EP400: variants seen among roughly 807,000 people sequenced by gnomAD.
EP400 encodes the protein E1A binding protein p400, also known as E1A-binding protein p400.
A neutral mutation model predicts 354.1 loss-of-function variants in EP400; 105 were observed. The observed-to-expected ratio is 0.30, with a 90% CI of 0.25 to 0.35. The LOEUF (loss-of-function observed/expected upper bound fraction) is 0.35, where lower values mean the gene tolerates loss of function less well. EP400 is among the 10% of genes least tolerant of loss of function. The probability of loss-of-function intolerance (pLI) is 1.00; values close to 1 mark genes in which losing one functional copy is unlikely to be tolerated. For synonymous variants in EP400, 1,646 were observed against 1,716.9 expected (o/e 0.96, Z 1.02); for missense variants, 3,280 against 4,121.0 (o/e 0.80, Z 5.59).
rs373295715 is a variant in EP400, at chr12:131,950,600, C to T, written c.-36+564C>T. Among the ~76,000 whole-genome samples, 149 of 148,048 alleles carry T rather than the reference C, an allele frequency of 1.0e-3. 1 individual carries two copies. The highest frequency in any genetic ancestry group is 3.7e-3 in the African/African-American group (141 of 37,752). On this transcript the variant is annotated intron_variant, in intron 1 of 52. Coordinates refer to ENST00000389561, the MANE Select transcript of EP400 (RefSeq NM_015409.5). ...GTTACAGTGAGGTCCGAATCCGCTCCTTCTCGGCGTAGACCTGCCCGGTCC... is the reference window on the plus strand; with the variant it reads ...GTTACAGTGAGGTCCGAATCCGCTCTTTCTCGGCGTAGACCTGCCCGGTCC...
chr12:132,071,962 G>C (rs1014327050), intron 51 of EP400, among the ~76,000 whole-genome samples: 2 of 152,194 alleles, frequency 1.3e-5, no homozygotes, highest in Admixed American at 1.3e-4. Context: ...TGTTGTAGTG[G>C]GTTATAGTCA....
rs564274508 is a variant in EP400, at chr12:131,976,260, C to T, written c.1336-3434C>T. Among the ~76,000 whole-genome samples the T allele has an allele frequency of 4.4e-4, 67 of 151,940 alleles. 3 individuals carry two copies. The South Asian group carries it at 0.013, about 30-fold the overall frequency. ...TTGAGGTTGGTGTCTGAGTATGGCT[C>T]GTGTTTTTTGTTTGTATTTTGGAGT... is the stretch of plus-strand genomic sequence containing the variant. On this transcript the variant is annotated intron_variant, in intron 2 of 52. Coordinates refer to ENST00000389561, the MANE Select transcript of EP400 (RefSeq NM_015409.5).
At chr12:132,014,445 C>T (rs1008301730) in intron 19 of EP400, among the ~76,000 whole-genome samples, 1 of 152,186 alleles carries the variant, frequency 6.6e-6, no homozygotes, top group East Asian at 1.9e-4. Flanking sequence ...AAGCTGTGCC[C>T]TTTGAGTTGA....
intron 7 of EP400, among the ~76,000 whole-genome samples, chr12:131,988,730 T>C (rs1428226852): frequency 6.6e-6 from 1 of 152,206 alleles, no homozygotes; most frequent in Non-Finnish European, 1.5e-5. Flanking sequence ...TTTCACTGTG[T>C]GAACAGCCGT....
intron 15 of EP400, among the ~76,000 whole-genome samples, chr12:132,007,176 G>T (rs1029551867): frequency 7.2e-5 from 11 of 152,234 alleles, no homozygotes; most frequent in Admixed American, 4.6e-4. Context: ...AGCAGAGCAG[G>T]TGGTCCACTT....
Position 132,064,686 on chromosome 12 carries a change from C to T in EP400, c.8353C>T (p.Gln2785Ter). Residue 2785 changes from glutamine to a stop codon, truncating the protein, a stop_gained, in exon 48 of 53, where the codon CAG becomes TAG. Coordinates refer to ENST00000389561, the MANE Select transcript of EP400 (RefSeq NM_015409.5). LOFTEE classifies it high-confidence loss of function. The part of the protein sequence containing the change: ...KLTPEHLIKM[Q>*]KQKLQMPPQP... ...ATTTTAGGAACACCTCATCAAAATG[C>T]AGAAGCAGAAACTGCAGATGCCCCC... 6.2e-7 allele frequency: 1 copy of T among 1,612,474 alleles called. No homozygotes were observed. The highest frequency in any genetic ancestry group is 8.5e-7 in the Non-Finnish European group (1 of 1,178,844).
At chr12:131,971,649 T>C (rs906988518) in intron 2 of EP400, among the ~76,000 whole-genome samples, 12 of 152,202 alleles carry the variant, frequency 7.9e-5, no homozygotes, top group African/African-American at 2.7e-4. Flanking sequence ...TTTTGGGTAG[T>C]AAGTGTAGAA....
chr12:131,991,503 G>A, intron 10 of EP400, 47 bp downstream of exon 10: 1 of 1,572,614 alleles, frequency 6.4e-7, no homozygotes, highest in Non-Finnish European at 8.8e-7. Context: ...AGTAGAAGCA[G>A]CTCCAGTAGA....
In EP400 at chr12:132,021,101, C is replaced by T; in HGVS notation, c.4470C>T (p.Thr1490=). The T allele has an allele frequency of 6.3e-7, 1 of 1,599,612 alleles. No homozygotes were observed. Among genetic ancestry groups the T allele is most frequent in the African/African-American group, 1.3e-5 (1 of 74,956 alleles). ...CAGCAGCAGCAGCCCCGTTTCAGACCTCTCAGGCTTCCGCCAGTGCTCCAC... is the reference window on the plus strand; with the variant it reads ...CAGCAGCAGCAGCCCCGTTTCAGACTTCTCAGGCTTCCGCCAGTGCTCCAC... ...EAKAAAAPFQ[T]SQASASAPRH... is the part of the protein sequence containing the mutation. Residue 1490 remains threonine (T), a synonymous_variant, in exon 23 of 53, where the codon ACC becomes ACT. Transcript: ENST00000389561.
At position 132,006,159 on chromosome 12, in the gene EP400, C is replaced by T. The variant is rs778495220; in HGVS notation, c.2983C>T (p.Leu995Phe). The change falls in exon 14 of 53, where the codon CTC (leucine) becomes TTC (phenylalanine). Residue 995 changes from leucine (L) to phenylalanine (F), a missense_variant. Leu to Phe is a conservative substitution (Grantham distance 22). This residue lies in a region of EP400 where 800 missense variants were observed against 840.0 expected (regional missense o/e 0.95). Coordinates refer to ENST00000389561, the MANE Select transcript of EP400 (RefSeq NM_015409.5). ...CAGGGAGAGTCGCAAGGACTTGGTT[C>T]TCATCGACTCGCTTTTCATCATGGA... ...GDRESRKDLVLIDSLFIMDQF... is the reference protein window; with the variant it reads ...GDRESRKDLVFIDSLFIMDQF... The T allele has an allele frequency of 6.2e-6, 10 of 1,614,102 alleles. No individual in the cohort carries two copies. Among genetic ancestry groups the T allele is most frequent in the Admixed American group, 5.0e-5 (3 of 60,010 alleles).
intron 2 of EP400, among the ~76,000 whole-genome samples, chr12:131,978,841 A>G (rs900766454): frequency 2.6e-5 from 4 of 152,168 alleles, no homozygotes; most frequent in African/African-American, 9.7e-5. Context: ...AACATTTTAA[A>G]TAACATCTGT....
At chr12:131,985,841 C>G (rs1892836011) in intron 5 of EP400, among the ~76,000 whole-genome samples, 1 of 152,182 alleles carries the variant, frequency 6.6e-6, no homozygotes. Flanking sequence ...CTCCTGACCT[C>G]AGGTGATCCG....
At position 132,027,677 on chromosome 12, in the gene EP400, A is replaced by G; in HGVS notation, c.5109+146A>G. On this transcript the variant is annotated intron_variant, in intron 26 of 52. Coordinates refer to ENST00000389561, the MANE Select transcript of EP400 (RefSeq NM_015409.5). This position sits in a 1 kb window ranked among gnomAD's most constrained non-coding sequence, Gnocchi z 4.9. ...CTTATTTTAAAACACACATTTTCTAATAAAATAAATGAAACTGGACTTACG... is the reference window on the plus strand; with the variant it reads ...CTTATTTTAAAACACACATTTTCTAGTAAAATAAATGAAACTGGACTTACG... 1.4e-6 allele frequency: 1 copy of G among 728,652 alleles called. No homozygotes were observed. Among genetic ancestry groups the G allele is most frequent in the Non-Finnish European group, 2.2e-6 (1 of 454,800 alleles). The allele number at this position is 728,652 out of a possible 1,614,324, so 45.1% of individuals were successfully genotyped here.
chr12:132,077,029 ACAGTGCTTTAAATGTAAAG>A (rs1422128629), intron 52 of EP400, among the ~76,000 whole-genome samples: 1 of 152,258 alleles, frequency 6.6e-6, no homozygotes, highest in Non-Finnish European at 1.5e-5. Context: ...ACTCTTTAGC[ACAGTGCTTTAAATGTAAAG>A]CGGTGCTTTA....
intron 51 of EP400, among the ~76,000 whole-genome samples, chr12:132,073,769 A>T: frequency 6.6e-6 from 1 of 151,000 alleles, no homozygotes; most frequent in East Asian, 2.0e-4. Flanking sequence ...GTCCTTTTTC[A>T]TCTTTGACTT....
intron 2 of EP400, among the ~76,000 whole-genome samples, chr12:131,974,042 G>A (rs1892385637): frequency 6.8e-6 from 1 of 146,408 alleles, no homozygotes; most frequent in South Asian, 2.1e-4. Context: ...GGCTGAACAC[G>A]ATCTCAGCTC....
intron 15 of EP400, among the ~76,000 whole-genome samples, chr12:132,010,262 T>A (rs1163575311): frequency 6.6e-6 from 1 of 152,126 alleles, no homozygotes; most frequent in Non-Finnish European, 1.5e-5. Context: ...AATTTTTGTA[T>A]TTTTAGTAGA....
rs1453269276 is a variant in EP400, at chr12:132,011,547, G to A, written c.3354G>A (p.Lys1118=). The A allele has an allele frequency of 4.3e-6, 7 of 1,614,156 alleles. No individual in the cohort carries two copies. Among genetic ancestry groups the A allele is most frequent in the Non-Finnish European group, 5.9e-6 (7 of 1,180,028 alleles). The change falls in exon 16 of 53, where the codon AAG becomes AAA. Residue 1118 remains lysine (K), a synonymous_variant. Transcript: ENST00000389561. ...LVVVRSCNIL[K]WELELKRWCP... ...TTGTGAGAAGTTGTAACATACTCAA[G>A]TGGGAGCTTGAATTGAAACGTTGGT...
At chr12:132,001,984 C>T (rs183731176) in intron 12 of EP400, among the ~76,000 whole-genome samples, 22 of 152,278 alleles carry the variant, frequency 1.4e-4, no homozygotes, top group African/African-American at 5.1e-4. Flanking sequence ...CTCGTGCCCT[C>T]GGTCTCTTGC....
Sources: gnomAD v4.1 joint callset for allele counts (sites outside exome capture counted in the v4.1 genomes callset) on GRCh38, gnomAD v4.1.1 for gene constraint, gnomAD v4.1.1 regional missense constraint, Gnocchi (gnomAD v3.1) non-coding constraint, MANE v1.5 for transcripts, NCBI Gene and HGNC (gene_info 2026-07-23, HGNC 2026-07-21) for gene names.